EPB41L5: variants seen among roughly 807,000 people sequenced by gnomAD.
The protein encoded by EPB41L5 is erythrocyte membrane protein band 4.1 like 5.
A neutral mutation model predicts 106.6 loss-of-function variants in EPB41L5; 55 were observed. The observed-to-expected ratio is 0.52, with a 90% CI of 0.42 to 0.65. EPB41L5 has a LOEUF of 0.65. EPB41L5 is among the 30% of genes least tolerant of loss of function. The pLI, the probability that EPB41L5 is intolerant of heterozygous loss-of-function variation, is 0.00. For missense variants in EPB41L5, 871 were observed against 882.1 expected (o/e 0.99, Z 0.16); for synonymous variants, 297 against 306.7 (o/e 0.97, Z 0.33).
chr2:120,149,996 G>A lies in EPB41L5; in HGVS notation c.1793+3707G>A, dbSNP rs112377886. ...TGCAGCCTCAAACTTAGGCTCAAACGATCCTCCCACCTGAGCTTCCTTAGT... is the reference window on the plus strand; with the variant it reads ...TGCAGCCTCAAACTTAGGCTCAAACAATCCTCCCACCTGAGCTTCCTTAGT... On this transcript the variant is annotated intron_variant, in intron 20 of 24. Coordinates refer to ENST00000263713, the MANE Select transcript of EPB41L5 (RefSeq NM_020909.4). Among the ~76,000 whole-genome samples, 1,474 of 149,208 alleles carry A rather than the reference G, an allele frequency of 9.9e-3. 26 individuals are homozygous for A. The highest frequency in any genetic ancestry group is 0.034 in the African/African-American group (1,362 of 40,602).
intron 20 of EPB41L5, among the ~76,000 whole-genome samples, chr2:120,157,163 TTAAA>T (rs1405816488): frequency 6.6e-6 from 1 of 152,100 alleles, no homozygotes; most frequent in Admixed American, 6.6e-5. Context: ...TACATGGAAA[TTAAA>T]TAACCTGCTC....
intron 19 of EPB41L5, among the ~76,000 whole-genome samples, chr2:120,145,689 A>T (rs929235211): frequency 1.3e-5 from 2 of 152,176 alleles, no homozygotes; most frequent in Admixed American, 6.5e-5. Flanking sequence ...TCATGCCTGT[A>T]ATCCCACCAC....
chr2:120,154,759 T>A (rs577980511), intron 20 of EPB41L5, among the ~76,000 whole-genome samples: 3 of 152,142 alleles, frequency 2.0e-5, no homozygotes, highest in Admixed American at 1.3e-4. Flanking sequence ...ACCCCGTCTC[T>A]GCTAAAAATA....
intron 3 of EPB41L5, among the ~76,000 whole-genome samples, chr2:120,048,204 C>G (rs1230538468): frequency 6.6e-6 from 1 of 152,182 alleles, no homozygotes; most frequent in Admixed American, 6.5e-5. Flanking sequence ...CCCTCTTTCT[C>G]TGTCAATTGG....
chr2:120,124,544 C>T (rs142623090), intron 16 of EPB41L5, among the ~76,000 whole-genome samples: 2 of 152,120 alleles, frequency 1.3e-5, no homozygotes, highest in Non-Finnish European at 2.9e-5. Flanking sequence ...TACTTCATTC[C>T]TATGTACTTT....
chr2:120,096,269 T>C (rs1369380776), intron 14 of EPB41L5, among the ~76,000 whole-genome samples: 1 of 152,164 alleles, frequency 6.6e-6, no homozygotes, highest in African/African-American at 2.4e-5. Context: ...TGATTAGTGA[T>C]TGACTATAAT....
At chr2:120,144,645 G>C (rs1206278019) in intron 19 of EPB41L5, among the ~76,000 whole-genome samples, 1 of 152,076 alleles carries the variant, frequency 6.6e-6, no homozygotes, top group Non-Finnish European at 1.5e-5. Context: ...TTTTCAAAAA[G>C]ATAGAAGAGG....
In EPB41L5 at chr2:120,084,856, C is replaced by G. The variant is rs1380374230; in HGVS notation, c.804-2315C>G. Among the ~76,000 whole-genome samples the G allele has an allele frequency of 2.0e-5, 3 of 152,236 alleles. No individual in the cohort carries two copies. The East Asian group carries it at 5.8e-4, about 29-fold the overall frequency. The stretch of plus-strand genomic sequence containing the variant: ...CTCTTTTTTTCTCTAAACTTCTCTT[C>G]TGACTTCATTTCATTCATTTGATCT... On this transcript the variant is annotated intron_variant, in intron 10 of 24. Coordinates refer to ENST00000263713, the MANE Select transcript of EPB41L5 (RefSeq NM_020909.4).
chr2:120,042,107 A>G lies in EPB41L5; in HGVS notation c.282A>G (p.Val94=), dbSNP rs1173213768. The change falls in exon 3 of 25, where the codon GTA becomes GTG. Residue 94 remains valine, a synonymous_variant. Coordinates refer to ENST00000263713, the MANE Select transcript of EPB41L5 (RefSeq NM_020909.4). The part of the protein sequence containing the change: ...FGLRFMDSAQ[V]AHWLDGTKSI... ...TGAGATTTATGGATTCAGCACAAGT[A>G]GCAGTGAGTAACTGTTTTTTGGAAG... The G allele has an allele frequency of 4.3e-6, 7 of 1,611,950 alleles. No individual in the cohort carries two copies. Among genetic ancestry groups the G allele is most frequent in the Non-Finnish European group, 5.9e-6 (7 of 1,178,230 alleles).
At chr2:120,117,065 T>G (rs1684979577) in intron 16 of EPB41L5, among the ~76,000 whole-genome samples, 1 of 152,172 alleles carries the variant, frequency 6.6e-6, no homozygotes, top group African/African-American at 2.4e-5. Context: ...TAGAGAAAAG[T>G]TTATAAAAAA....
intron 2 of EPB41L5, among the ~76,000 whole-genome samples, chr2:120,036,481 A>G (rs778898726): frequency 1.4e-4 from 22 of 152,206 alleles, no homozygotes; most frequent in Non-Finnish European, 2.6e-4. Context: ...TCATGTTCCC[A>G]AATAAATATG....
chr2:120,136,471 TAA>T (rs1021678915), intron 18 of EPB41L5, among the ~76,000 whole-genome samples: 5 of 138,448 alleles, frequency 3.6e-5, no homozygotes, highest in African/African-American at 2.6e-5. Flanking sequence ...CTACATGGAT[TAA>T]AAAAAAAAAA....
intron 2 of EPB41L5, among the ~76,000 whole-genome samples, chr2:120,024,974 T>C (rs1384193581): frequency 6.6e-6 from 1 of 152,190 alleles, no homozygotes; most frequent in African/African-American, 2.4e-5. Context: ...TCTTTTTTTG[T>C]TTTATCTCTG....
At chr2:120,130,938 T>C (rs1426832535) in intron 17 of EPB41L5, among the ~76,000 whole-genome samples, 1 of 152,236 alleles carries the variant, frequency 6.6e-6, no homozygotes, top group Non-Finnish European at 1.5e-5. Context: ...TGTAAAATTT[T>C]ATGCACACAT....
At chr2:120,082,093 G>A (rs1012797775) in intron 10 of EPB41L5, among the ~76,000 whole-genome samples, 1 of 151,920 alleles carries the variant, frequency 6.6e-6, no homozygotes, top group African/African-American at 2.4e-5. Flanking sequence ...TAATTGAATA[G>A]CCTTTATTTC....
chr2:120,101,044 T>G (rs1303315601), intron 16 of EPB41L5, among the ~76,000 whole-genome samples: 3 of 152,240 alleles, frequency 2.0e-5, no homozygotes, highest in Admixed American at 1.3e-4. Flanking sequence ...TCCTTACTTA[T>G]TATTTATTTG....
chr2:120,108,814 C>T (rs1291156557), intron 16 of EPB41L5, among the ~76,000 whole-genome samples: 1 of 152,154 alleles, frequency 6.6e-6, no homozygotes, highest in Non-Finnish European at 1.5e-5. Context: ...CTGGGGACAT[C>T]ATCAGCAAAA....
Position 120,143,115 on chromosome 2 carries a change from T to C in EPB41L5, c.1712T>C (p.Val571Ala). The C allele has an allele frequency of 1.2e-6, 2 of 1,603,872 alleles. No individual in the cohort carries two copies. The highest frequency in any genetic ancestry group is 1.7e-6 in the Non-Finnish European group (2 of 1,176,132). Residue 571 changes from valine (V) to alanine (A), a missense_variant, in exon 19 of 25, where the codon GTA becomes GCA. Transcript: ENST00000263713. ...AAGAGTAACATTTTGAAGGCTCAAG[T>C]AGAAGCAGTGCATAAGGTAAGCTGC... ...DFKSNILKAQ[V>A]EAVHKVTKED...
chr2:120,113,134 T>C (rs1684794462), intron 16 of EPB41L5, among the ~76,000 whole-genome samples: 1 of 152,246 alleles, frequency 6.6e-6, no homozygotes, highest in Non-Finnish European at 1.5e-5. Flanking sequence ...TCAGGTCAGT[T>C]TTCATGTACT....
Sources: gnomAD v4.1 joint callset for allele counts (sites outside exome capture counted in the v4.1 genomes callset) on GRCh38, gnomAD v4.1.1 for gene constraint, MANE v1.5 for transcripts, NCBI Gene and HGNC (gene_info 2026-07-23, HGNC 2026-07-21) for gene names.